Variants in DPP10 observed in about 807,000 individuals in gnomAD.
The protein encoded by DPP10 is dipeptidyl peptidase like 10, also known as inactive dipeptidyl peptidase 10.
A neutral mutation model predicts 120.9 loss-of-function variants in DPP10; 33 were observed. The observed-to-expected ratio is 0.27, with a 90% CI of 0.21 to 0.37. The LOEUF is 0.37. DPP10 is among the 10% of genes least tolerant of loss of function. DPP10 has a pLI of 1.00. For synonymous variants in DPP10, 337 were observed against 326.1 expected (o/e 1.03, Z -0.36); for missense variants, 816 against 942.8 (o/e 0.87, Z 1.76).
At chr2:115,036,172 T>G (rs1310061277) in intron 1 of DPP10, among the ~76,000 whole-genome samples, 2 of 152,114 alleles carry the variant, frequency 1.3e-5, no homozygotes, top group Admixed American at 1.3e-4. Flanking sequence ...ACAGAGTAAG[T>G]GCAAAGAGAG....
chr2:115,465,187 G>A (rs1274030768), intron 3 of DPP10, among the ~76,000 whole-genome samples: 1 of 152,094 alleles, frequency 6.6e-6, no homozygotes, highest in African/African-American at 2.4e-5. Flanking sequence ...CACTTTGTAA[G>A]TTGTAGTAAT....
At chr2:115,688,491 T>C (rs1169590754) in intron 5 of DPP10, among the ~76,000 whole-genome samples, 1 of 152,142 alleles carries the variant, frequency 6.6e-6, no homozygotes, top group Non-Finnish European at 1.5e-5. Flanking sequence ...GCTTTTACAA[T>C]TGCATACTGA....
chr2:114,815,754 G>C (rs2106338560), intron 1 of DPP10, among the ~76,000 whole-genome samples: 1 of 152,156 alleles, frequency 6.6e-6, no homozygotes, highest in South Asian at 2.1e-4. Flanking sequence ...CTGGTGCACT[G>C]AAAACTGTCA....
At chr2:114,950,162 T>C (rs1697667437) in intron 1 of DPP10, among the ~76,000 whole-genome samples, 1 of 152,202 alleles carries the variant, frequency 6.6e-6, no homozygotes, top group African/African-American at 2.4e-5. Flanking sequence ...GCCTATCTTG[T>C]CTAAACTCAG....
chr2:115,033,228 G>A (rs1015053912), intron 1 of DPP10, among the ~76,000 whole-genome samples: 1 of 152,166 alleles, frequency 6.6e-6, no homozygotes. Flanking sequence ...TGAATAGTGG[G>A]AGAGTGAGGA....
chr2:115,377,678 G>A (rs1227759282), intron 3 of DPP10, among the ~76,000 whole-genome samples: 2 of 152,048 alleles, frequency 1.3e-5, no homozygotes, highest in African/African-American at 4.8e-5. Context: ...GGGTTTTTAT[G>A]GTTTTAGGTT....
Position 115,753,189 on chromosome 2 carries a change from T to C in DPP10, c.966T>C (p.Thr322=). ...DSFKSREYYI[T]MVKWVSNTKT... ...TCCAAACTAGAGAATACTATATCAC[T>C]ATGGTTAAATGGGTAAGCAATACCA... Residue 322 remains threonine (T), a synonymous_variant, in exon 11 of 26, where the codon ACT becomes ACC. Transcript: ENST00000410059. 1 of 1,610,798 alleles carries C rather than the reference T, an allele frequency of 6.2e-7. No homozygotes were observed. Among genetic ancestry groups the C allele is most frequent in the Non-Finnish European group, 8.5e-7 (1 of 1,177,896 alleles).
chr2:114,551,225 A>G (rs987921372), intron 1 of DPP10, among the ~76,000 whole-genome samples: 4 of 152,164 alleles, frequency 2.6e-5, no homozygotes, highest in African/African-American at 9.7e-5. Context: ...TTAACTGTGT[A>G]GCTCGCTTTG....
chr2:114,804,638 C>T (rs1029533258), intron 1 of DPP10, among the ~76,000 whole-genome samples: 4 of 152,268 alleles, frequency 2.6e-5, no homozygotes, highest in African/African-American at 4.8e-5. Flanking sequence ...CAGACTTGCA[C>T]GGGCCCTGTA....
At chr2:115,595,887 A>T (rs1350293937) in intron 5 of DPP10, among the ~76,000 whole-genome samples, 3 of 152,172 alleles carry the variant, frequency 2.0e-5, no homozygotes, top group South Asian at 4.1e-4. Context: ...ACTTTATTAT[A>T]TGCTTTGTAT....
chr2:114,899,593 C>T (rs1216853756), intron 1 of DPP10, among the ~76,000 whole-genome samples: 1 of 149,846 alleles, frequency 6.7e-6, no homozygotes, highest in East Asian at 1.9e-4. Context: ...GTTTTTGAAG[C>T]TTATGTAATG....
chr2:114,562,572 A>C (rs887134864), intron 1 of DPP10, among the ~76,000 whole-genome samples: 1 of 152,204 alleles, frequency 6.6e-6, no homozygotes, highest in African/African-American at 2.4e-5. Flanking sequence ...TCATTTCTGA[A>C]TCACTCTAGC....
At chr2:115,759,172 A>G (rs1318017037) in intron 11 of DPP10, among the ~76,000 whole-genome samples, 1 of 152,132 alleles carries the variant, frequency 6.6e-6, no homozygotes, top group Non-Finnish European at 1.5e-5. Context: ...ATATAAAGAA[A>G]TTCTATAACT....
chr2:114,930,034 A>G (rs1327656381), intron 1 of DPP10, among the ~76,000 whole-genome samples: 1 of 152,160 alleles, frequency 6.6e-6, no homozygotes, highest in Non-Finnish European at 1.5e-5. Flanking sequence ...GAGGCACAGG[A>G]AATTGGAACC....
At chr2:114,732,725 G>T (rs896635759) in intron 1 of DPP10, among the ~76,000 whole-genome samples, 1 of 152,082 alleles carries the variant, frequency 6.6e-6, no homozygotes, top group Admixed American at 6.5e-5. Context: ...TGTTTTATTT[G>T]TTTTTCAATA....
At chr2:114,591,523 A>C (rs916254786) in intron 1 of DPP10, among the ~76,000 whole-genome samples, 3 of 150,394 alleles carry the variant, frequency 2.0e-5, no homozygotes, top group Admixed American at 2.0e-4. Context: ...ATCCAGATTT[A>C]GAAGGCTCAG....
At chr2:114,748,345 T>C (rs1181441049) in intron 1 of DPP10, among the ~76,000 whole-genome samples, 5 of 130,740 alleles carry the variant, frequency 3.8e-5, no homozygotes, top group Admixed American at 3.1e-4. Flanking sequence ...TTTCTTTTTT[T>C]TTTTTATTTT....
At position 114,916,032 on chromosome 2, in the gene DPP10, T is replaced by TA. The variant is rs546840982; in HGVS notation, c.61-393198dup. ...CTTACACATGAATCCATAAAAAAGATAAAAAAAAAGTTGATGTTGTGAAAG... is the reference window on the plus strand; with the variant it reads ...CTTACACATGAATCCATAAAAAAGATAAAAAAAAAAGTTGATGTTGTGAAAG... On this transcript the variant is annotated intron_variant, in intron 1 of 25. Coordinates refer to ENST00000410059, the MANE Select transcript of DPP10 (RefSeq NM_020868.6). Among the ~76,000 whole-genome samples, 480 of 149,506 alleles carry TA rather than the reference T, an allele frequency of 3.2e-3. 1 individual carries two copies. Among genetic ancestry groups the TA allele is most frequent in the Non-Finnish European group, 3.6e-3 (240 of 67,086 alleles).
intron 5 of DPP10, among the ~76,000 whole-genome samples, chr2:115,528,864 A>G (rs2078289737): frequency 6.8e-6 from 1 of 146,004 alleles, no homozygotes; most frequent in Non-Finnish European, 1.5e-5. Context: ...AAGGAGGGAA[A>G]TGAGAGCAGC....
Sources: gnomAD v4.1 joint callset for allele counts (sites outside exome capture counted in the v4.1 genomes callset) on GRCh38, gnomAD v4.1.1 for gene constraint, MANE v1.5 for transcripts, NCBI Gene and HGNC (gene_info 2026-07-23, HGNC 2026-07-21) for gene names.